The following NRG1 variants were observed in gnomAD, a reference collection of about 807,000 sequenced individuals.
NRG1 encodes the protein neuregulin 1, also known as pro-neuregulin-1, membrane-bound isoform.
In NRG1, 18 loss-of-function variants were observed where a neutral mutation model predicts 63.8. The observed-to-expected ratio is 0.28, with a 90% CI of 0.19 to 0.42. The LOEUF is 0.42. NRG1 is among the 10% of genes least tolerant of loss of function. The probability of loss-of-function intolerance (pLI) is 1.00; values close to 1 mark genes in which losing one functional copy is unlikely to be tolerated. For synonymous variants in NRG1, 302 were observed against 301.3 expected, an observed-to-expected ratio of 1.00 and a Z score of -0.02; for missense variants, 762 against 814.7, an observed-to-expected ratio of 0.94 and a Z score of 0.79.
chr8:31,856,124 G>A (rs1827841981), intron 1 of NRG1, among the ~76,000 whole-genome samples: 1 of 151,850 alleles, frequency 6.6e-6, no homozygotes, highest in Non-Finnish European at 1.5e-5. Flanking sequence ...TATCTTTGTG[G>A]CGTTCTCTGT....
intron 1 of NRG1, among the ~76,000 whole-genome samples, chr8:32,456,069 T>C (rs1821559193): frequency 6.6e-6 from 1 of 152,228 alleles, no homozygotes; most frequent in Non-Finnish European, 1.5e-5. Context: ...TGACTAATGC[T>C]GTTCTTTTTA....
chr8:31,920,891 GAT>G (rs1833850487), intron 1 of NRG1, among the ~76,000 whole-genome samples: 2 of 74,176 alleles, frequency 2.7e-5, no homozygotes, highest in East Asian at 7.3e-4. Context: ...TAGGTAGATA[GAT>G]AGATAGATAG....
At chr8:31,838,887 C>T (rs1184036383) in intron 1 of NRG1, among the ~76,000 whole-genome samples, 1 of 152,112 alleles carries the variant, frequency 6.6e-6, no homozygotes, top group Non-Finnish European at 1.5e-5. Context: ...CCTTTACTTT[C>T]TTTCTCTGAT....
chr8:31,830,210 T>G (rs930708749), intron 1 of NRG1, among the ~76,000 whole-genome samples: 1 of 152,136 alleles, frequency 6.6e-6, no homozygotes, highest in Non-Finnish European at 1.5e-5. Flanking sequence ...CACAAGGGAA[T>G]GAGTTGTTAC....
rs564074367 is a variant in NRG1, at chr8:32,538,206, C to T, written c.38-57622C>T. Among the ~76,000 whole-genome samples, 7 of 152,058 alleles carry T rather than the reference C, an allele frequency of 4.6e-5. 1 individual carries two copies. The highest frequency in any genetic ancestry group is 1.2e-4 in the African/African-American group (5 of 41,488). On this transcript the variant is annotated intron_variant, in intron 1 of 10. Transcript: ENST00000519301. ...TATTTAGGCAGAGATTGGGGGATGG[C>T]GGAGGGAGCTACTGAGTGACAGGCA...
chr8:32,117,810 T>A (rs1832934518), intron 1 of NRG1, among the ~76,000 whole-genome samples: 1 of 152,090 alleles, frequency 6.6e-6, no homozygotes, highest in Admixed American at 6.6e-5. Flanking sequence ...TAGTGAAATA[T>A]TTCCCCAAAG....
chr8:31,991,737 A>G (rs1185905274), intron 1 of NRG1, among the ~76,000 whole-genome samples: 2 of 151,790 alleles, frequency 1.3e-5, no homozygotes, highest in African/African-American at 2.4e-5. Flanking sequence ...TTTTAAATTA[A>G]GCTCACTCTT....
rs146098283 is a variant in NRG1 at position 31,965,301 on chromosome 8, C to T, written c.37+325870C>T. Among the ~76,000 whole-genome samples, 1,238 of 151,872 alleles carry T rather than the reference C, an allele frequency of 8.2e-3. 18 individuals carry two copies. Among genetic ancestry groups the T allele is most frequent in the African/African-American group, 0.029 (1,186 of 41,388 alleles). ...GCAGTGGTGTGATCTCAGCTCACGG[C>T]AATGTCTGCCTCCTAGGTTCAAGCG... On this transcript the variant is annotated intron_variant, in intron 1 of 10. Transcript: ENST00000519301.
chr8:32,117,779 C>T (rs1220759926), intron 1 of NRG1, among the ~76,000 whole-genome samples: 1 of 152,032 alleles, frequency 6.6e-6, no homozygotes, highest in African/African-American at 2.4e-5. Context: ...GGTTCTTTGA[C>T]AATTTTTGTA....
intron 1 of NRG1, among the ~76,000 whole-genome samples, chr8:31,935,044 G>T (rs1835187669): frequency 6.6e-6 from 1 of 152,052 alleles, no homozygotes; most frequent in African/African-American, 2.4e-5. Context: ...TCGAACTCCT[G>T]GGCTCAAGCA....
chr8:31,688,641 A>G (rs1430691450), intron 1 of NRG1, among the ~76,000 whole-genome samples: 2 of 152,232 alleles, frequency 1.3e-5, no homozygotes, highest in East Asian at 1.9e-4. Flanking sequence ...CACTATGATT[A>G]TATTTTTATT....
At chr8:32,188,864 G>A (rs1473384866) in intron 1 of NRG1, among the ~76,000 whole-genome samples, 1 of 151,988 alleles carries the variant, frequency 6.6e-6, no homozygotes, top group African/African-American at 2.4e-5. Context: ...AATGCTAAAT[G>A]ATGAGTTAAT....
At chr8:32,296,973 G>T (rs953050210) in intron 1 of NRG1, among the ~76,000 whole-genome samples, 1 of 151,928 alleles carries the variant, frequency 6.6e-6, no homozygotes, top group Non-Finnish European at 1.5e-5. Flanking sequence ...AAATTAGCTG[G>T]GCGTGGTGGC....
intron 1 of NRG1, among the ~76,000 whole-genome samples, chr8:32,002,850 A>G (rs1398689888): frequency 1.3e-5 from 2 of 152,102 alleles, no homozygotes; most frequent in East Asian, 1.9e-4. Context: ...TGGTGTTTCC[A>G]AGTCTAATAT....
chr8:32,512,607 TTGA>T (rs1162959969), intron 1 of NRG1, among the ~76,000 whole-genome samples: 1 of 152,196 alleles, frequency 6.6e-6, no homozygotes, highest in Non-Finnish European at 1.5e-5. Flanking sequence ...GTGCCTTTTA[TTGA>T]TGACATGAAT....
chr8:31,841,805 T>G (rs1360281294), intron 1 of NRG1, among the ~76,000 whole-genome samples: 5 of 152,196 alleles, frequency 3.3e-5, no homozygotes, highest in Non-Finnish European at 5.9e-5. Context: ...CATAGCCCCT[T>G]CCTTACTTTT....
intron 1 of NRG1, among the ~76,000 whole-genome samples, chr8:32,286,821 AC>A (rs2129473687): frequency 6.6e-6 from 1 of 152,138 alleles, no homozygotes; most frequent in South Asian, 2.1e-4. Flanking sequence ...ACCTGGTGAA[AC>A]CCTGTCTGTA....
At chr8:32,087,556 C>T (rs567205581) in intron 1 of NRG1, among the ~76,000 whole-genome samples, 5 of 139,022 alleles carry the variant, frequency 3.6e-5, no homozygotes, top group African/African-American at 1.4e-4. Context: ...CTGCAACCTT[C>T]GCCTCCCGGG....
intron 1 of NRG1, among the ~76,000 whole-genome samples, chr8:32,204,422 G>T (rs575993866): frequency 1.7e-4 from 26 of 152,290 alleles, no homozygotes; most frequent in African/African-American, 6.3e-4. Context: ...GCAGTCCTGT[G>T]ACAGTGGCAC....
Sources: gnomAD v4.1 joint callset for allele counts (sites outside exome capture counted in the v4.1 genomes callset) on GRCh38, gnomAD v4.1.1 for gene constraint, MANE v1.5 for transcripts, NCBI Gene and HGNC (gene_info 2026-07-23, HGNC 2026-07-21) for gene names.